Variants in NAGA observed in about 807,000 individuals in gnomAD.
NAGA encodes Acetylgalactosaminidase, alpha-N- (alpha-galactosidase B).
In NAGA, 42 loss-of-function variants were observed where a neutral mutation model predicts 45.6. The observed-to-expected ratio is 0.92, with a 90% CI of 0.72 to 1.19. The LOEUF is 1.19. NAGA is among the 50% of genes most tolerant of loss of function. The pLI is 0.00. For synonymous variants in NAGA, 176 were observed against 203.1 expected (o/e 0.87, Z 1.13); for missense variants, 493 against 544.8 (o/e 0.90, Z 0.95).
chr22:42,070,176 G>A (rs1457091012), intron 1 of NAGA, 106 bp downstream of exon 1: 2 of 1,293,932 alleles, frequency 1.5e-6, no homozygotes, highest in Non-Finnish European at 1.1e-6. Flanking sequence ...AAGTAAAAGA[G>A]AGAGGAACCT....
At chr22:42,060,653 C>G (rs913019595) in intron 8 of NAGA, among the ~76,000 whole-genome samples, 4 of 152,194 alleles carry the variant, frequency 2.6e-5, no homozygotes, top group African/African-American at 9.7e-5. Flanking sequence ...AGGAACGTGC[C>G]AGCAAGGGCT....
At chr22:42,068,034 T>C (rs767204469) in intron 2 of NAGA, 98 bp from the exon 3 acceptor site, 93 of 1,169,238 alleles carry the variant, frequency 8.0e-5, no homozygotes, top group Non-Finnish European at 1.8e-5. Flanking sequence ...ATAAAAACCA[T>C]GACCTTGCTG....
In NAGA at chr22:42,058,946, A is replaced by G. The variant is rs1063392; in HGVS notation, c.*1333T>C. The G allele has an allele frequency of 0.4, 60,188 of 152,178 alleles. 14,436 individuals carry two copies. The highest frequency in any genetic ancestry group is 0.85 in the East Asian group (4,407 of 5,190). The allele number at this position is 152,178 out of a possible 1,614,324, so 9.4% of individuals were successfully genotyped here. A position where few individuals can be genotyped will look rare whatever the true frequency, so the allele number is the denominator to read the frequency against. On this transcript the variant is annotated 3_prime_UTR_variant, in exon 9 of 9. Coordinates refer to ENST00000396398, the MANE Select transcript of NAGA (RefSeq NM_000262.3). ...GAAAGGAACTTTCTCTGGTGACCCT[A>G]TACTTAACCAGTAAAGCTTCAATCA... is the stretch of plus-strand genomic sequence containing the variant.
At position 42,064,542 on chromosome 22, in the gene NAGA, G is replaced by A. The variant is rs892088484; in HGVS notation, c.759+1196C>T. Among the ~76,000 whole-genome samples the A allele has an allele frequency of 3.3e-5, 5 of 150,970 alleles. No individual in the cohort carries two copies. The East Asian group carries it at 5.8e-4, about 18-fold the overall frequency. Reference sequence around the variant, plus strand: ...CGCCTGTAATCCCAGCTACTCGGGCGGTTGAGGCAGGAGAATCGCTTGAAC... The same window carrying A: ...CGCCTGTAATCCCAGCTACTCGGGCAGTTGAGGCAGGAGAATCGCTTGAAC... On this transcript the variant is annotated intron_variant, in intron 6 of 8. Coordinates refer to ENST00000396398, the MANE Select transcript of NAGA (RefSeq NM_000262.3).
chr22:42,062,047 C>T (rs1265424956), intron 7 of NAGA, among the ~76,000 whole-genome samples: 3 of 151,766 alleles, frequency 2.0e-5, no homozygotes, highest in Non-Finnish European at 4.4e-5. Flanking sequence ...CTCAGACTCT[C>T]GAAGTTTCAT....
At chr22:42,068,666 C>T in intron 1 of NAGA, 92 bp from the exon 2 acceptor site, 1 of 1,523,692 alleles carries the variant, frequency 6.6e-7, no homozygotes, top group Non-Finnish European at 8.9e-7. Context: ...CTCAGCCCTA[C>T]AGAGGCTGCC....
At chr22:42,067,313 T>G (rs568209141) in intron 3 of NAGA, 23 bp from the exon 4 acceptor site, 10 of 1,613,586 alleles carry the variant, frequency 6.2e-6, no homozygotes, top group South Asian at 1.1e-5. Flanking sequence ...GAGGACACAG[T>G]GGGCTCAAGC....
In NAGA at chr22:42,070,720, C is replaced by T; in HGVS notation, c.-423G>A. On this transcript the variant is annotated 5_prime_UTR_variant, in exon 1 of 9. Coordinates refer to ENST00000396398, the MANE Select transcript of NAGA (RefSeq NM_000262.3). ...GCCGGGTCCGGGTTCCCGCCCTGGGCTCCCCAAAACCGCAGAGCCCCCTCC... is the reference window on the plus strand; with the variant it reads ...GCCGGGTCCGGGTTCCCGCCCTGGGTTCCCCAAAACCGCAGAGCCCCCTCC... The T allele has an allele frequency of 3.1e-6, 1 of 318,922 alleles. No homozygotes were observed. Among genetic ancestry groups the T allele is most frequent in the South Asian group, 2.9e-5 (1 of 33,976 alleles). The allele number at this position is 318,922 out of a possible 1,614,324, so 19.8% of individuals were successfully genotyped here.
chr22:42,070,373 G>A lies in NAGA; in HGVS notation c.-76C>T, dbSNP rs750231310. 3.2e-6 allele frequency: 5 copies of A among 1,575,046 alleles called. No homozygotes were observed. Among genetic ancestry groups the A allele is most frequent in the East Asian group, 2.2e-5 (1 of 44,714 alleles). Reference sequence around the variant, plus strand: ...CAGCTGTATGTGTTGGGCTCTGGAAGCTAAGAAACGTCTGAAAAGCACTGG... The same window carrying A: ...CAGCTGTATGTGTTGGGCTCTGGAAACTAAGAAACGTCTGAAAAGCACTGG... On this transcript the variant is annotated 5_prime_UTR_variant, in exon 1 of 9. Coordinates refer to ENST00000396398, the MANE Select transcript of NAGA (RefSeq NM_000262.3).
intron 5 of NAGA, among the ~76,000 whole-genome samples, chr22:42,066,157 G>A (rs1422469363): frequency 6.6e-6 from 1 of 152,204 alleles, no homozygotes; most frequent in Non-Finnish European, 1.5e-5. Context: ...CAAACCCAGG[G>A]TGTGGGCCCA....
At position 42,070,355 on chromosome 22, in the gene NAGA, A is replaced by G. The variant is rs1188195532; in HGVS notation, c.-58T>C. ...GATCTGGTCTGCGTGTATCAGCTGT[A>G]TGTGTTGGGCTCTGGAAGCTAAGAA... is the stretch of plus-strand genomic sequence containing the variant. On this transcript the variant is annotated 5_prime_UTR_variant, in exon 1 of 9. Coordinates refer to ENST00000396398, the MANE Select transcript of NAGA (RefSeq NM_000262.3). The G allele has an allele frequency of 3.7e-6, 6 of 1,606,634 alleles. No individual in the cohort carries two copies.
intron 7 of NAGA, among the ~76,000 whole-genome samples, chr22:42,061,428 T>A (rs1221219993): frequency 6.6e-6 from 1 of 152,192 alleles, no homozygotes; most frequent in Admixed American, 6.5e-5. Context: ...CAGCTGCCAG[T>A]GCTGGCCTGG....
intron 4 of NAGA, 24 bp downstream of exon 4, chr22:42,067,089 G>A: frequency 6.2e-7 from 1 of 1,612,816 alleles, no homozygotes. Context: ...TTGCCTACGT[G>A]CCCCAGCCAG....
chr22:42,065,177 T>C (rs1036513390), intron 6 of NAGA, among the ~76,000 whole-genome samples: 2 of 152,186 alleles, frequency 1.3e-5, no homozygotes, highest in Non-Finnish European at 2.9e-5. Context: ...GCACTTGTAA[T>C]TCTTATAATC....
intron 1 of NAGA, 84 bp from the exon 2 acceptor site, chr22:42,068,658 C>T (rs1477005578): frequency 6.4e-7 from 1 of 1,554,554 alleles, no homozygotes; most frequent in East Asian, 2.4e-5. Context: ...GTATGTTGCT[C>T]AGCCCTACAG....
chr22:42,067,363 G>T, intron 3 of NAGA, 73 bp from the exon 4 acceptor site: 1 of 1,572,426 alleles, frequency 6.4e-7, no homozygotes, highest in Non-Finnish European at 8.7e-7. Context: ...ATCTGACCCC[G>T]TCCCATTAAA....
At chr22:42,066,583 A>G (rs1926742668) in intron 5 of NAGA, 127 bp downstream of exon 5, 1 of 867,924 alleles carries the variant, frequency 1.2e-6, no homozygotes, top group African/African-American at 1.7e-5. Flanking sequence ...CCTACAAATC[A>G]CCATATGGGC....
chr22:42,060,318 G>A lies in NAGA; in HGVS notation c.1197C>T (p.Tyr399=). 1 of 1,613,594 alleles carries A rather than the reference G, an allele frequency of 6.2e-7. No individual in the cohort carries two copies. Among genetic ancestry groups the A allele is most frequent in the Non-Finnish European group, 8.5e-7 (1 of 1,179,934 alleles). Residue 399 remains tyrosine, a synonymous_variant, in exon 9 of 9, where the codon TAC becomes TAT. Coordinates refer to ENST00000396398, the MANE Select transcript of NAGA (RefSeq NM_000262.3). ...IINPSGVVMW[Y]LYPIKNLEMS... ...TCTCCAGGTTCTTGATGGGATACAG[G>A]TACCACATCACTACCCCTGAAGGGT...
intron 5 of NAGA, 123 bp downstream of exon 5, chr22:42,066,587 T>C (rs1487871088): frequency 2.3e-5 from 21 of 899,722 alleles, no homozygotes; most frequent in Non-Finnish European, 3.4e-5. Context: ...CAAATCACCA[T>C]ATGGGCACCT....
Sources: allele counts gnomAD v4.1 joint callset (sites outside exome capture counted in the v4.1 genomes callset), GRCh38; gene constraint gnomAD v4.1.1; transcripts MANE v1.5; gene names NCBI Gene and HGNC (gene_info 2026-07-23, HGNC 2026-07-21).